Variants in LRRTM3 observed in about 807,000 individuals in gnomAD.
The protein encoded by LRRTM3 is leucine rich repeat transmembrane neuronal 3.
A neutral mutation model predicts 44.7 loss-of-function variants in LRRTM3; 24 were observed. That is an observed-to-expected ratio of 0.54 (90% CI 0.39 to 0.76). The LOEUF is 0.76. Ranked by LOEUF, LRRTM3 falls within the 30% of genes least tolerant of loss-of-function variation. LRRTM3 has a pLI of 0.00. For synonymous variants in LRRTM3, 277 were observed against 278.7 expected (o/e 0.99, Z 0.06); for missense variants, 587 against 702.2 (o/e 0.84, Z 1.85).
At chr10:67,011,362 C>A (rs1018267502) in intron 2 of LRRTM3, among the ~76,000 whole-genome samples, 2 of 150,950 alleles carry the variant, frequency 1.3e-5, no homozygotes, top group African/African-American at 4.9e-5. Flanking sequence ...AAAAAGCTAG[C>A]CTGTTCTGTT....
chr10:67,042,260 C>T (rs1469100750), intron 2 of LRRTM3, among the ~76,000 whole-genome samples: 3 of 152,070 alleles, frequency 2.0e-5, no homozygotes, highest in Non-Finnish European at 4.4e-5. Context: ...CCCAAATGGG[C>T]ATCTCTGTGA....
intron 2 of LRRTM3, among the ~76,000 whole-genome samples, chr10:66,967,402 A>G (rs908675305): frequency 6.6e-6 from 1 of 151,870 alleles, no homozygotes; most frequent in Admixed American, 6.6e-5. Context: ...GTATATACAT[A>G]TATACACACA....
At chr10:67,088,879 A>T (rs1429982829) in intron 2 of LRRTM3, among the ~76,000 whole-genome samples, 1 of 152,054 alleles carries the variant, frequency 6.6e-6, no homozygotes. Context: ...ACATCCATAA[A>T]CTCAACTAAC....
chr10:66,956,308 G>T (rs1406669030), intron 2 of LRRTM3, among the ~76,000 whole-genome samples: 3 of 151,682 alleles, frequency 2.0e-5, no homozygotes, highest in Non-Finnish European at 4.4e-5. Context: ...AAAACCACTG[G>T]TAAGAGTTTT....
At chr10:66,942,572 C>G (rs1439761840) in intron 2 of LRRTM3, among the ~76,000 whole-genome samples, 1 of 149,720 alleles carries the variant, frequency 6.7e-6, no homozygotes, top group African/African-American at 2.4e-5. Flanking sequence ...CTCTCTCTCT[C>G]TCTCTGTGTG....
At chr10:67,095,564 G>A (rs940973684) in intron 2 of LRRTM3, among the ~76,000 whole-genome samples, 1 of 151,188 alleles carries the variant, frequency 6.6e-6, no homozygotes, top group Non-Finnish European at 1.5e-5. Context: ...AATTGTGTGT[G>A]CACACACACA....
intron 2 of LRRTM3, among the ~76,000 whole-genome samples, chr10:66,961,111 T>C (rs1039791101): frequency 2.6e-5 from 4 of 152,198 alleles, no homozygotes; most frequent in Non-Finnish European, 4.4e-5. Flanking sequence ...AGCAAGGTCT[T>C]CTAGCAAGTC....
At chr10:66,989,108 T>C (rs1850895571) in intron 2 of LRRTM3, among the ~76,000 whole-genome samples, 1 of 152,206 alleles carries the variant, frequency 6.6e-6, no homozygotes, top group South Asian at 2.1e-4. Context: ...GTATCTGTTT[T>C]ACTTTGATGG....
At chr10:66,976,429 TCTCACCACCA>T (rs1443395528) in intron 2 of LRRTM3, among the ~76,000 whole-genome samples, 3 of 152,160 alleles carry the variant, frequency 2.0e-5, no homozygotes, top group Admixed American at 2.0e-4. Context: ...TTTCCATTTT[TCTCACCACCA>T]CTTCTATTCT....
chr10:66,948,510 A>G (rs1848384460), intron 2 of LRRTM3, among the ~76,000 whole-genome samples: 1 of 152,182 alleles, frequency 6.6e-6, no homozygotes, highest in Non-Finnish European at 1.5e-5. Context: ...CTTATTTTCA[A>G]TGCTCTCAAT....
Position 67,022,998 on chromosome 10 carries a change from G to T in LRRTM3, c.1537-74589G>T, listed in dbSNP as rs918579138. ...AAATTTTCTGAGTGAAATTTAAAAA[G>T]ACTGAAATAAATGGAGAGGTATAAT... On this transcript the variant is annotated intron_variant, in intron 2 of 2. Transcript: ENST00000361320. 2.0e-5 allele frequency among the ~76,000 whole-genome samples: 3 copies of T among 151,962 alleles called. No homozygotes were observed. In the East Asian group the frequency reaches 5.8e-4, roughly 29 times the overall value.
intron 2 of LRRTM3, among the ~76,000 whole-genome samples, chr10:67,070,691 G>A (rs1001634303): frequency 1.3e-5 from 2 of 151,646 alleles, no homozygotes; most frequent in African/African-American, 4.8e-5. Context: ...AGGTTGCAGG[G>A]AGCTGAGGTC....
At chr10:67,088,546 C>T in intron 2 of LRRTM3, among the ~76,000 whole-genome samples, 1 of 151,848 alleles carries the variant, frequency 6.6e-6, no homozygotes, top group Middle Eastern at 3.2e-3. Flanking sequence ...AGGGGCATTA[C>T]TGAAAGACAA....
chr10:66,985,922 T>A (rs1251877902), intron 2 of LRRTM3, among the ~76,000 whole-genome samples: 2 of 151,964 alleles, frequency 1.3e-5, no homozygotes. Flanking sequence ...GAGACAGGGT[T>A]TCACCATGTT....
At chr10:67,021,465 G>A (rs1853011133) in intron 2 of LRRTM3, among the ~76,000 whole-genome samples, 1 of 151,856 alleles carries the variant, frequency 6.6e-6, no homozygotes, top group Non-Finnish European at 1.5e-5. Context: ...TTCATACAAA[G>A]AGTCACTGTC....
chr10:67,095,154 A>G (rs921138167), intron 2 of LRRTM3, among the ~76,000 whole-genome samples: 3 of 151,576 alleles, frequency 2.0e-5, no homozygotes, highest in Non-Finnish European at 4.4e-5. Flanking sequence ...GGAAAAATCT[A>G]CTGTGATGCT....
intron 2 of LRRTM3, among the ~76,000 whole-genome samples, chr10:66,972,902 G>T (rs1219850811): frequency 2.0e-5 from 3 of 151,388 alleles, no homozygotes; most frequent in African/African-American, 7.3e-5. Flanking sequence ...AGTAGAGATG[G>T]GGTTTCACCA....
At chr10:67,095,155 C>T (rs953863680) in intron 2 of LRRTM3, among the ~76,000 whole-genome samples, 3 of 151,510 alleles carry the variant, frequency 2.0e-5, no homozygotes, top group African/African-American at 7.3e-5. Flanking sequence ...GAAAAATCTA[C>T]TGTGATGCTG....
At chr10:67,028,505 G>A (rs879725392) in intron 2 of LRRTM3, among the ~76,000 whole-genome samples, 1 of 151,890 alleles carries the variant, frequency 6.6e-6, no homozygotes, top group East Asian at 1.9e-4. Context: ...AAACTAGGAA[G>A]TAAAGACTTT....
Sources: gnomAD v4.1 joint callset for allele counts (sites outside exome capture counted in the v4.1 genomes callset) on GRCh38, gnomAD v4.1.1 for gene constraint, MANE v1.5 for transcripts, NCBI Gene and HGNC (gene_info 2026-07-23, HGNC 2026-07-21) for gene names.